NEB: variants seen among roughly 807,000 people sequenced by gnomAD.
The protein encoded by NEB is nebulin.
A neutral mutation model predicts 952.2 loss-of-function variants in NEB; 512 were observed. The ratio of observed to expected loss-of-function variants is 0.54; its 90% CI spans 0.50 to 0.58. The LOEUF (loss-of-function observed/expected upper bound fraction) is 0.58. Among genes scored for constraint, NEB ranks in the 20% least tolerant of loss-of-function variants. NEB has a pLI of 0.00. For synonymous variants in NEB, 2,900 were observed against 3,149.8 expected (o/e 0.92, Z 2.66); for missense variants, 8,428 against 9,231.1 (o/e 0.91, Z 3.56).
chr2:151,541,533 C>T lies in NEB; in HGVS notation c.20596G>A (p.Gly6866Ser), dbSNP rs1286957405. 1 of 1,613,326 alleles carries T rather than the reference C, an allele frequency of 6.2e-7. No individual in the cohort carries two copies. The highest frequency in any genetic ancestry group is 1.3e-5 in the African/African-American group (1 of 74,898). Residue 6866 changes from glycine to serine, a missense_variant, in exon 136 of 182, where the codon GGC becomes AGC. Gly to Ser is a moderately conservative substitution (Grantham distance 56, BLOSUM62 0). Transcript: ENST00000397345. ...HLSELVYRAA[G>S]KKQKSIFTSV... ...GTAAAGATTGACTTCTGCTTCTTGC[C>T]TGCAGCTCTGTAGACCAGCTAGACA...
rs540564866 is a variant in NEB, at chr2:151,546,449, A to C, written c.20368-6T>G. ...AAGTCCTCTTTGTATTTAATCTGAG[A>C]GGCAAACACAGAAATATAGCTGGTC... On this transcript the variant is annotated splice_polypyrimidine_tract_variant and splice_region_variant and intron_variant, in intron 133 of 181. Transcript: ENST00000397345. The C allele has an allele frequency of 1.9e-6, 3 of 1,586,110 alleles. No individual in the cohort carries two copies. The East Asian group carries it at 6.7e-5, about 35-fold the overall frequency.
rs372328578 is a variant in NEB, at chr2:151,517,996, T to C, written c.22800+322A>G. 1.7e-3 allele frequency among the ~76,000 whole-genome samples: 255 copies of C among 152,234 alleles called. 5 individuals carry two copies. The South Asian group carries it at 0.048, about 29-fold the overall frequency. On this transcript the variant is annotated intron_variant, in intron 156 of 181. Transcript: ENST00000397345. ...TTGAAATCTTCCTGACTCCCTATAA[T>C]CTACTGTAGTGTTCCCTAACCTGGG...
intron 29 of NEB, among the ~76,000 whole-genome samples, chr2:151,682,421 G>T (rs1052169359): frequency 6.6e-6 from 1 of 152,144 alleles, no homozygotes; most frequent in Non-Finnish European, 1.5e-5. Context: ...AACGTAAATG[G>T]TTAACAAGTT....
intron 71 of NEB, among the ~76,000 whole-genome samples, chr2:151,622,517 C>A (rs1267884257): frequency 6.6e-6 from 1 of 152,090 alleles, no homozygotes; most frequent in African/African-American, 2.4e-5. Context: ...TACCAACTAT[C>A]CAATTTATTA....
At chr2:151,576,697 A>C (rs1203673971) in intron 105 of NEB, among the ~76,000 whole-genome samples, 1 of 150,490 alleles carries the variant, frequency 6.6e-6, no homozygotes, top group Admixed American at 6.6e-5. Context: ...ATGCCTGTCT[A>C]ATTTTTGTAT....
At chr2:151,651,019 G>T in intron 52 of NEB, 134 bp from the exon 53 acceptor site, 2 of 835,718 alleles carry the variant, frequency 2.4e-6, no homozygotes, top group South Asian at 2.2e-5. Context: ...GAACTCCCAG[G>T]CCTACTTTTC....
chr2:151,671,598 T>C (rs1432277368), intron 37 of NEB, among the ~76,000 whole-genome samples: 1 of 152,232 alleles, frequency 6.6e-6, no homozygotes, highest in African/African-American at 2.4e-5. Flanking sequence ...TTAGACTGCA[T>C]TATGCAACAC....
intron 17 of NEB, among the ~76,000 whole-genome samples, chr2:151,696,396 G>A (rs1253188817): frequency 1.3e-5 from 2 of 152,082 alleles, no homozygotes; most frequent in African/African-American, 4.8e-5. Context: ...TTTGACTCTA[G>A]AACTCATGTT....
chr2:151,566,294 G>A (rs567389268), intron 114 of NEB, among the ~76,000 whole-genome samples: 25 of 152,288 alleles, frequency 1.6e-4, no homozygotes, highest in African/African-American at 6.0e-4. Context: ...CTGGGTCCCA[G>A]CCAAACCTAT....
intron 153 of NEB, among the ~76,000 whole-genome samples, chr2:151,522,427 G>GT (rs2082538945): frequency 6.6e-6 from 1 of 152,134 alleles, no homozygotes; most frequent in African/African-American, 2.4e-5. Context: ...TTCTCAGTTT[G>GT]TTTTCATTTC....
intron 27 of NEB, among the ~76,000 whole-genome samples, chr2:151,685,409 G>C (rs76287069): frequency 0.013 from 1,958 of 152,262 alleles, 23 homozygotes; most frequent in Middle Eastern, 0.031. Flanking sequence ...CAGGGCTGTA[G>C]ACTTAGTTTA....
At position 151,562,641 on chromosome 2, in the gene NEB, G is replaced by A. The variant is rs146294986; in HGVS notation, c.18861C>T (p.Arg6287=). The A allele has an allele frequency of 5.6e-4, 893 of 1,583,948 alleles. 6 individuals carry two copies. The African/African-American group carries it at 9.0e-3, about 16-fold the overall frequency. The part of the protein sequence containing the change: ...TSLLEEPNVI[R]VRNAQEILSD... ...TCAAGATCTCCTGGGCGTTTCGGAC[G>A]CGTATAACATTGGGTTCTTCCAGAA... is the stretch of plus-strand genomic sequence containing the variant. The change falls in exon 120 of 182, where the codon CGC becomes CGT. Residue 6287 remains arginine (R), a synonymous_variant. Coordinates refer to ENST00000397345, the MANE Select transcript of NEB (RefSeq NM_001164508.2).
Position 151,684,858 on chromosome 2 carries a change from G to A in NEB, c.2755C>T (p.His919Tyr). 1.2e-6 allele frequency: 2 copies of A among 1,613,378 alleles called. 1 individual carries two copies. The highest frequency in any genetic ancestry group is 2.2e-5 in the South Asian group (2 of 90,938). Residue 919 changes from histidine to tyrosine, a missense_variant, in exon 28 of 182, where the codon CAC (histidine) becomes TAC (tyrosine). By Grantham distance (83) the His-to-Tyr change is moderately conservative (BLOSUM62 2). Transcript: ENST00000397345. ...GGGTAGCTGTAACTGTGTAAGATGTGCTTATAATCAACGTCGCTGGCAATT... is the reference window on the plus strand; with the variant it reads ...GGGTAGCTGTAACTGTGTAAGATGTACTTATAATCAACGTCGCTGGCAATT... The part of the protein sequence containing the change: ...QAIASDVDYK[H>Y]ILHSYSYPPD...
chr2:151,698,190 C>T (rs1364072587), intron 13 of NEB, among the ~76,000 whole-genome samples: 1 of 152,142 alleles, frequency 6.6e-6, no homozygotes, highest in Non-Finnish European at 1.5e-5. Context: ...TCATACATTC[C>T]AAACTCAAAA....
chr2:151,690,703 G>A lies in NEB; in HGVS notation c.2310+24C>T, dbSNP rs375265096. ...GAGCAAAGCACTCTGGGTCACCCAC[G>A]CTTGCATAAATCAAAGCACTTACAT... On this transcript the variant is annotated intron_variant, in intron 24 of 181. Transcript: ENST00000397345. The A allele has an allele frequency of 7.2e-6, 11 of 1,527,284 alleles. No homozygotes were observed. The Admixed American group carries it at 7.7e-5, about 11-fold the overall frequency. 94.6% of individuals were successfully genotyped at this position (1,527,284 alleles called of 1,614,324 possible). A position where few individuals can be genotyped will look rare whatever the true frequency, so the allele number is the denominator to read the frequency against.
intron 88 of NEB, among the ~76,000 whole-genome samples, chr2:151,601,473 C>T (rs1399756099): frequency 1.8e-5 from 2 of 109,802 alleles, no homozygotes; most frequent in African/African-American, 3.7e-5. Context: ...ACCCTATCTA[C>T]GTGGAAAAAA....
At chr2:151,514,251 G>T in intron 159 of NEB, 67 bp downstream of exon 159, 6 of 1,104,958 alleles carry the variant, frequency 5.4e-6, no homozygotes, top group South Asian at 2.8e-5. Flanking sequence ...GCTTTTTCTG[G>T]TGTAATTTGG....
Position 151,514,355 on chromosome 2 carries a change from A to C in NEB, c.23090T>G (p.Met7697Arg), listed in dbSNP as rs1209594078. ...TTGAGTGGCATTCTTTGCTCTTAGC[A>C]TGTCAGGTGTATCTTCCATTTCAGT... ...GLTEMEDTPD[M>R]LRAKNATQIL... The change falls in exon 159 of 182, where the codon ATG becomes AGG. Residue 7697 changes from methionine to arginine, a missense_variant. Physicochemically the swap from Met to Arg is moderately conservative, Grantham distance 91. Coordinates refer to ENST00000397345, the MANE Select transcript of NEB (RefSeq NM_001164508.2). 1 of 1,613,832 alleles carries C rather than the reference A, an allele frequency of 6.2e-7. No individual in the cohort carries two copies. Among genetic ancestry groups the C allele is most frequent in the Admixed American group, 1.7e-5 (1 of 60,016 alleles).
At chr2:151,518,897 G>A in intron 155 of NEB, 68 bp downstream of exon 155, 1 of 1,041,330 alleles carries the variant, frequency 9.6e-7, no homozygotes, top group South Asian at 1.3e-5. Context: ...AGATGCATCT[G>A]GGCTCAGAAA....
Sources: gnomAD v4.1 joint callset for allele counts (sites outside exome capture counted in the v4.1 genomes callset) on GRCh38, gnomAD v4.1.1 for gene constraint, MANE v1.5 for transcripts, NCBI Gene and HGNC (gene_info 2026-07-23, HGNC 2026-07-21) for gene names.